Variants in SORCS3 observed in about 807,000 individuals in gnomAD.
SORCS3 encodes sortilin related VPS10 domain containing receptor 3.
In SORCS3, 57 loss-of-function variants were observed where a neutral mutation model predicts 146.3. That is an observed-to-expected ratio of 0.39 (90% CI 0.31 to 0.49). The LOEUF (loss-of-function observed/expected upper bound fraction) is 0.49, where lower values mean the gene tolerates loss of function less well. SORCS3 is among the 20% of genes least tolerant of loss of function. SORCS3 has a pLI of 0.92. For synonymous variants in SORCS3, 653 were observed against 618.5 expected (o/e 1.06, Z -0.83); for missense variants, 1,341 against 1,575.5 (o/e 0.85, Z 2.52).
intron 1 of SORCS3, among the ~76,000 whole-genome samples, chr10:104,735,622 G>C (rs1257373873): frequency 1.3e-5 from 2 of 151,952 alleles, no homozygotes; most frequent in Non-Finnish European, 2.9e-5. Flanking sequence ...CCTGGCGAAA[G>C]CTTCAAGATC....
intron 2 of SORCS3, among the ~76,000 whole-genome samples, chr10:104,860,732 T>C (rs748197954): frequency 1.8e-4 from 28 of 152,192 alleles, no homozygotes; most frequent in Non-Finnish European, 3.1e-4. Flanking sequence ...AGGTAAACAC[T>C]GTTATCCCCA....
At chr10:104,880,127 G>A (rs545646700) in intron 2 of SORCS3, among the ~76,000 whole-genome samples, 30 of 152,256 alleles carry the variant, frequency 2.0e-4, no homozygotes, top group African/African-American at 5.8e-4. Flanking sequence ...GCAAGCCTAC[G>A]TTATCTTCCT....
At chr10:104,995,956 T>G (rs1261424078) in intron 4 of SORCS3, among the ~76,000 whole-genome samples, 3 of 152,210 alleles carry the variant, frequency 2.0e-5, no homozygotes, top group African/African-American at 7.2e-5. Context: ...AGATCAAAGT[T>G]TATGATTATT....
chr10:105,193,135 C>G (rs1313008287), intron 14 of SORCS3, among the ~76,000 whole-genome samples: 1 of 152,150 alleles, frequency 6.6e-6, no homozygotes, highest in Non-Finnish European at 1.5e-5. Context: ...AAGGCTTACT[C>G]AGGCCTGAAT....
intron 1 of SORCS3, among the ~76,000 whole-genome samples, chr10:104,754,913 T>G (rs1365465590): frequency 6.6e-6 from 1 of 152,176 alleles, no homozygotes; most frequent in Non-Finnish European, 1.5e-5. Flanking sequence ...ATTTATGTGT[T>G]TTCTCCTTTT....
intron 2 of SORCS3, among the ~76,000 whole-genome samples, chr10:104,884,091 C>T (rs1284401565): frequency 2.0e-5 from 3 of 152,150 alleles, no homozygotes; most frequent in Non-Finnish European, 4.4e-5. Context: ...CTATGGTCAA[C>T]AGAAGATTTG....
At chr10:104,786,404 C>T (rs2017436521) in intron 1 of SORCS3, among the ~76,000 whole-genome samples, 2 of 151,784 alleles carry the variant, frequency 1.3e-5, no homozygotes, top group African/African-American at 4.8e-5. Context: ...AAAAATTAGC[C>T]AGGTGTGGTG....
intron 1 of SORCS3, among the ~76,000 whole-genome samples, chr10:104,673,486 C>T (rs900576291): frequency 1.3e-5 from 2 of 151,264 alleles, no homozygotes; most frequent in African/African-American, 4.9e-5. Context: ...GTTTTTGAGG[C>T]AGAGTCTCAC....
At chr10:104,727,563 A>ATG (rs920492960) in intron 1 of SORCS3, among the ~76,000 whole-genome samples, 1 of 151,480 alleles carries the variant, frequency 6.6e-6, no homozygotes, top group Non-Finnish European at 1.5e-5. Flanking sequence ...ATATATATAT[A>ATG]TAAGATGCAT....
chr10:104,679,648 CTTCT>C (rs998479997), intron 1 of SORCS3, among the ~76,000 whole-genome samples: 12 of 152,182 alleles, frequency 7.9e-5, no homozygotes, highest in African/African-American at 2.4e-4. Flanking sequence ...CTTGGATGGC[CTTCT>C]AAGTACTGGA....
At chr10:104,938,084 G>A (rs776373795) in intron 3 of SORCS3, among the ~76,000 whole-genome samples, 2 of 152,126 alleles carry the variant, frequency 1.3e-5, no homozygotes, top group Non-Finnish European at 2.9e-5. Context: ...TATGCATCAC[G>A]AGCCCATTCA....
At chr10:104,743,434 C>G (rs1051593701) in intron 1 of SORCS3, among the ~76,000 whole-genome samples, 6 of 152,192 alleles carry the variant, frequency 3.9e-5, no homozygotes, top group African/African-American at 1.4e-4. Context: ...ATGCAAAAGT[C>G]TTCTTTGTCC....
At chr10:104,869,241 T>G (rs920591209) in intron 2 of SORCS3, among the ~76,000 whole-genome samples, 1 of 152,192 alleles carries the variant, frequency 6.6e-6, no homozygotes, top group African/African-American at 2.4e-5. Flanking sequence ...GCTGAAAAGT[T>G]TCACAATGTG....
chr10:104,785,922 G>C (rs1365167534), intron 1 of SORCS3, among the ~76,000 whole-genome samples: 2 of 152,194 alleles, frequency 1.3e-5, no homozygotes, highest in Non-Finnish European at 2.9e-5. Flanking sequence ...AAGAGAGGTA[G>C]CGCATGGACC....
chr10:104,830,783 CT>C (rs1222011833), intron 1 of SORCS3, among the ~76,000 whole-genome samples: 1 of 152,082 alleles, frequency 6.6e-6, no homozygotes, highest in East Asian at 1.9e-4. Context: ...TGTATTTAAC[CT>C]TGTGATTCTG....
Position 105,013,531 on chromosome 10 carries a change from A to T in SORCS3, c.955-29524A>T, listed in dbSNP as rs543427914. Among the ~76,000 whole-genome samples, 381 of 152,294 alleles carry T rather than the reference A, an allele frequency of 2.5e-3. 3 individuals are homozygous for T. Among genetic ancestry groups the T allele is most frequent in the African/African-American group, 8.6e-3 (356 of 41,588 alleles). On this transcript the variant is annotated intron_variant, in intron 4 of 26. Transcript: ENST00000369701. ...TTCAAGCAAAATCAAATGGATTTTT[A>T]TTCCCCAGCAATAATGAGTTAGAAA...
chr10:105,215,296 CTT>C (rs2056658486), intron 18 of SORCS3, among the ~76,000 whole-genome samples: 1 of 152,172 alleles, frequency 6.6e-6, no homozygotes, highest in South Asian at 2.1e-4. Flanking sequence ...TTTAGGCACT[CTT>C]TGCTGAGTGG....
Position 105,217,058 on chromosome 10 carries a change from G to A in SORCS3, c.2670G>A (p.Gln890=). The A allele has an allele frequency of 6.2e-7, 1 of 1,614,186 alleles. No homozygotes were observed. The highest frequency in any genetic ancestry group is 8.5e-7 in the Non-Finnish European group (1 of 1,180,032). Reference sequence around the variant, plus strand: ...TGTATAAGAGTGCGGGGATCTTCCAGGTGACAGCCTATGCAGAGAACAACC... The same window carrying A: ...TGTATAAGAGTGCGGGGATCTTCCAAGTGACAGCCTATGCAGAGAACAACC... ...KHVYKSAGIF[Q]VTAYAENNLG... The change falls in exon 19 of 27, where the codon CAG becomes CAA. Residue 890 remains glutamine (Q), a synonymous_variant. Transcript: ENST00000369701.
At chr10:105,004,308 GGGACTCTCTAC>G (rs1217778232) in intron 4 of SORCS3, among the ~76,000 whole-genome samples, 3 of 152,308 alleles carry the variant, frequency 2.0e-5, no homozygotes, top group African/African-American at 7.2e-5. Flanking sequence ...ACTGAGTGAA[GGGACTCTCTAC>G]GGAGGGATGT....
Sources: allele counts gnomAD v4.1 joint callset (sites outside exome capture counted in the v4.1 genomes callset), GRCh38; gene constraint gnomAD v4.1.1; transcripts MANE v1.5; gene names NCBI Gene and HGNC (gene_info 2026-07-23, HGNC 2026-07-21).